Variants in DNAH14 observed in about 807,000 individuals in gnomAD.
DNAH14 encodes dynein axonemal heavy chain 14, also known as axonemal beta dynein heavy chain 14.
Under a neutral mutation model 520.9 loss-of-function variants are expected in DNAH14, and 478 were observed. The ratio of observed to expected loss-of-function variants is 0.92; its 90% CI spans 0.85 to 0.99. The LOEUF (loss-of-function observed/expected upper bound fraction) is 0.99, where lower values mean the gene tolerates loss of function less well. DNAH14 is among the 50% of genes least tolerant of loss of function. The probability of loss-of-function intolerance (pLI) is 0.00; values close to 1 mark genes in which losing one functional copy is unlikely to be tolerated. For missense variants in DNAH14, 4,831 were observed against 5,234.5 expected, an observed-to-expected ratio of 0.92 and a Z score of 2.38; for synonymous variants, 1,581 against 1,757.2, an observed-to-expected ratio of 0.90 and a Z score of 2.51.
At position 225,263,231 on chromosome 1, in the gene DNAH14, C is replaced by CGT. The variant is rs1161771156; in HGVS notation, c.7158-966_7158-965insGT. 1.4e-3 allele frequency among the ~76,000 whole-genome samples: 211 copies of CGT among 150,476 alleles called. 1 individual carries two copies. The highest frequency in any genetic ancestry group is 4.7e-3 in the African/African-American group (194 of 41,026). ...ACACATATATATACATGTATATATA[C>CGT]ATATATATACACATATATATACATG... On this transcript the variant is annotated intron_variant, in intron 46 of 85. Transcript: ENST00000682510.
chr1:225,394,200 TA>T lies in DNAH14; in HGVS notation c.13491+1750del, dbSNP rs532246605. Among the ~76,000 whole-genome samples, 33 of 152,356 alleles carry T rather than the reference TA, an allele frequency of 2.2e-4. No homozygotes were observed. In the East Asian group the frequency reaches 5.6e-3, roughly 26 times the overall value. ...GGGCACCTTTTAAAATGATTATTGA[TA>T]TTTGGATTTCCTCTTTTGTGAAGAT... On this transcript the variant is annotated intron_variant, in intron 84 of 85. Coordinates refer to ENST00000682510, the MANE Select transcript of DNAH14 (RefSeq NM_001367479.1).
chr1:225,361,446 G>A (rs1016069794), intron 75 of DNAH14, among the ~76,000 whole-genome samples: 5 of 152,234 alleles, frequency 3.3e-5, no homozygotes, highest in Admixed American at 2.6e-4. Flanking sequence ...TAATTTGAGT[G>A]AAGAATTAGC....
intron 33 of DNAH14, among the ~76,000 whole-genome samples, chr1:225,153,528 A>G (rs930465055): frequency 6.6e-6 from 1 of 151,724 alleles, no homozygotes; most frequent in Admixed American, 6.6e-5. Context: ...GATATTTCTT[A>G]ACACCTTTAA....
chr1:225,266,397 A>G (rs1408508182), intron 48 of DNAH14, among the ~76,000 whole-genome samples: 5 of 152,198 alleles, frequency 3.3e-5, no homozygotes, highest in African/African-American at 4.8e-5. Flanking sequence ...TTATAGATCT[A>G]TAGAAGGTGA....
At chr1:225,238,554 C>G (rs962251310) in intron 42 of DNAH14, among the ~76,000 whole-genome samples, 2 of 152,180 alleles carry the variant, frequency 1.3e-5, no homozygotes, top group Admixed American at 6.5e-5. Flanking sequence ...TAGGAGGTGT[C>G]TGGAGACGCC....
chr1:225,004,499 G>A (rs1215284818), intron 9 of DNAH14, among the ~76,000 whole-genome samples: 1 of 152,142 alleles, frequency 6.6e-6, no homozygotes, highest in African/African-American at 2.4e-5. Flanking sequence ...ATGTGAGTAA[G>A]GCATTCAATA....
At chr1:225,320,583 G>A (rs1251328770) in intron 61 of DNAH14, among the ~76,000 whole-genome samples, 3 of 152,194 alleles carry the variant, frequency 2.0e-5, no homozygotes, top group Admixed American at 1.3e-4. Flanking sequence ...TGGACATGCA[G>A]CAGAGACATC....
At chr1:224,938,471 A>C (rs917921424) in intron 1 of DNAH14, among the ~76,000 whole-genome samples, 7 of 152,210 alleles carry the variant, frequency 4.6e-5, no homozygotes, top group Admixed American at 2.6e-4. Context: ...AAATAAATGC[A>C]AATCAAAACC....
chr1:225,200,374 T>A (rs2086667016), intron 38 of DNAH14, among the ~76,000 whole-genome samples: 1 of 152,166 alleles, frequency 6.6e-6, no homozygotes, highest in Non-Finnish European at 1.5e-5. Flanking sequence ...ATCATGCTAT[T>A]TGTTGCCTGT....
chr1:225,132,829 C>T (rs2078566489), intron 27 of DNAH14, among the ~76,000 whole-genome samples: 1 of 152,164 alleles, frequency 6.6e-6, no homozygotes, highest in Admixed American at 6.5e-5. Context: ...ATTTACACTC[C>T]CACCAGCAGT....
At chr1:225,361,467 A>G (rs991151915) in intron 75 of DNAH14, among the ~76,000 whole-genome samples, 1 of 152,240 alleles carries the variant, frequency 6.6e-6, no homozygotes, top group South Asian at 2.1e-4. Context: ...AATGTGTTGA[A>G]TCAATGATGT....
In DNAH14 at chr1:225,214,303, G is replaced by T. The variant is rs1183711355; in HGVS notation, c.6439+7083G>T. On this transcript the variant is annotated intron_variant, in intron 41 of 85. Coordinates refer to ENST00000682510, the MANE Select transcript of DNAH14 (RefSeq NM_001367479.1). ...AGCTTTTTGATGTGCTGCTGGATTC[G>T]GTTTGCCAGTATTTTATTGAGGATT... Among the ~76,000 whole-genome samples, 3 of 152,030 alleles carry T rather than the reference G, an allele frequency of 2.0e-5. 1 individual carries two copies. The highest frequency in any genetic ancestry group is 4.8e-5 in the African/African-American group (2 of 41,386).
intron 47 of DNAH14, 40 bp from the exon 48 acceptor site, chr1:225,265,142 G>A: frequency 1.5e-6 from 2 of 1,338,726 alleles, no homozygotes; most frequent in South Asian, 1.8e-5. Flanking sequence ...TTCTTAAAGT[G>A]TCCTAAATTT....
Position 225,340,706 on chromosome 1 carries a change from G to T in DNAH14, c.10678+5G>T. Reference sequence around the variant, plus strand: ...ATTTACTGCAGAAAGCACTAGGTAAGTCAAGATATTTAGTGATAGTAAGAG... The same window carrying T: ...ATTTACTGCAGAAAGCACTAGGTAATTCAAGATATTTAGTGATAGTAAGAG... On this transcript the variant is annotated splice_donor_5th_base_variant and intron_variant, in intron 69 of 85. Coordinates refer to ENST00000682510, the MANE Select transcript of DNAH14 (RefSeq NM_001367479.1). 6.5e-7 allele frequency: 1 copy of T among 1,550,140 alleles called. No homozygotes were observed. Among genetic ancestry groups the T allele is most frequent in the Non-Finnish European group, 8.7e-7 (1 of 1,146,178 alleles).
At chr1:224,940,537 A>G (rs1157518371) in intron 1 of DNAH14, among the ~76,000 whole-genome samples, 3 of 151,974 alleles carry the variant, frequency 2.0e-5, no homozygotes, top group African/African-American at 7.3e-5. Context: ...TATTTTTATT[A>G]TACTTTAAGT....
In DNAH14 at chr1:225,346,456, G is replaced by A. The variant is rs1364634767; in HGVS notation, c.11098G>A (p.Val3700Met). 3 of 1,544,860 alleles carry A rather than the reference G, an allele frequency of 1.9e-6. No individual in the cohort carries two copies. Among genetic ancestry groups the A allele is most frequent in the African/African-American group, 2.8e-5 (2 of 72,370 alleles). ...TTAATATGTTATATTTTCCCTATAG[G>A]TGGTTTCTTCAGCTCTATTTAATGA... ...IDMLTKSIFK[V>M]VSSALFNEDK... Residue 3700 changes from valine to methionine, a missense_variant and splice_region_variant, in exon 71 of 86, where the codon GTG (valine) becomes ATG (methionine). Coordinates refer to ENST00000682510, the MANE Select transcript of DNAH14 (RefSeq NM_001367479.1).
chr1:225,373,589 AAAG>A (rs1327218825), intron 77 of DNAH14, among the ~76,000 whole-genome samples: 4 of 152,138 alleles, frequency 2.6e-5, no homozygotes, highest in Non-Finnish European at 5.9e-5. Context: ...AGAGAGAAGA[AAAG>A]AAGTCAACCT....
intron 41 of DNAH14, among the ~76,000 whole-genome samples, chr1:225,226,936 TTA>T (rs1366258736): frequency 2.0e-5 from 3 of 152,192 alleles, no homozygotes; most frequent in Non-Finnish European, 2.9e-5. Context: ...TAGGCCAGAT[TTA>T]TGTTTGACTT....
intron 15 of DNAH14, among the ~76,000 whole-genome samples, chr1:225,045,583 T>C (rs2067884980): frequency 6.6e-6 from 1 of 152,114 alleles, no homozygotes; most frequent in Non-Finnish European, 1.5e-5. Context: ...CTTGAGATAC[T>C]GGTAATTTAC....
Sources: gnomAD v4.1 joint callset for allele counts (sites outside exome capture counted in the v4.1 genomes callset) on GRCh38, gnomAD v4.1.1 for gene constraint, MANE v1.5 for transcripts, NCBI Gene and HGNC (gene_info 2026-07-23, HGNC 2026-07-21) for gene names.